The following AKNA variants were observed in gnomAD, a reference collection of about 807,000 sequenced individuals.
AKNA encodes AT-hook transcription factor, also known as microtubule organization protein AKNA.
Under a neutral mutation model 138.8 loss-of-function variants are expected in AKNA, and 67 were observed. The observed-to-expected ratio is 0.48, with a 90% CI of 0.40 to 0.59. The LOEUF (loss-of-function observed/expected upper bound fraction) is 0.59. Among genes scored for constraint, AKNA ranks in the 20% least tolerant of loss-of-function variants. AKNA has a pLI of 0.00. For missense variants in AKNA, 1,813 were observed against 1,880.4 expected, an observed-to-expected ratio of 0.96 and a Z score of 0.66; for synonymous variants, 737 against 754.4, an observed-to-expected ratio of 0.98 and a Z score of 0.38.
rs770692868 is a variant in AKNA, at chr9:114,347,771, G to T, written c.3351C>A (p.Arg1117=). Residue 1117 remains arginine, a synonymous_variant, in exon 16 of 22, where the codon CGC becomes CGA. Transcript: ENST00000374088. ...TGGCTGGGGAGTCTGCTGGCCGGCC[G>T]CGGGTCCGGGCGGGGCGGTCAAAGG... ...ASAFDRPART[R]GRPADSPATW... is the part of the protein sequence containing the mutation. The T allele has an allele frequency of 1.3e-6, 2 of 1,542,352 alleles. No homozygotes were observed. The highest frequency in any genetic ancestry group is 1.8e-6 in the Non-Finnish European group (2 of 1,142,842).
chr9:114,337,341 G>A, intron 21 of AKNA, 35 bp from the exon 22 acceptor site: 1 of 1,401,328 alleles, frequency 7.1e-7, no homozygotes, highest in Non-Finnish European at 9.4e-7. Context: ...GTTACACATG[G>A]GGAGGGCTGG....
chr9:114,363,827 T>C (rs1013792196), intron 7 of AKNA, among the ~76,000 whole-genome samples: 6 of 152,190 alleles, frequency 3.9e-5, no homozygotes, highest in African/African-American at 1.4e-4. Context: ...GGTCCCCTGA[T>C]GCTGCCCACA....
chr9:114,372,978 G>T (rs1039612779), intron 4 of AKNA, among the ~76,000 whole-genome samples: 5 of 127,140 alleles, frequency 3.9e-5, no homozygotes, highest in Non-Finnish European at 6.7e-5. Flanking sequence ...GGGGGGGGGG[G>T]TCCTGGTCCT....
intron 2 of AKNA, among the ~76,000 whole-genome samples, chr9:114,380,569 C>T (rs961191896): frequency 2.6e-5 from 4 of 152,084 alleles, no homozygotes; most frequent in South Asian, 2.1e-4. Flanking sequence ...TTATACTTTC[C>T]GGTTGTTCTG....
chr9:114,362,533 C>T lies in AKNA; in HGVS notation c.1789G>A (p.Gly597Ser), dbSNP rs760382900. ...GRLMPQDQVK[G>S]FQRLKAAHAA... ...TGGGCAGCCTTCAGCCGCTGGAAGCCCTGAAACCAGACCAGGCCAGGAAGA... is the reference window on the plus strand; with the variant it reads ...TGGGCAGCCTTCAGCCGCTGGAAGCTCTGAAACCAGACCAGGCCAGGAAGA... The change falls in exon 8 of 22, where the codon GGC (glycine) becomes AGC (serine). Residue 597 changes from glycine to serine, a missense_variant and splice_region_variant. Physicochemically the swap from Gly to Ser is moderately conservative, Grantham distance 56 (BLOSUM62 0). Transcript: ENST00000374088. 3.7e-6 allele frequency: 6 copies of T among 1,612,702 alleles called. No individual in the cohort carries two copies. Among genetic ancestry groups the T allele is most frequent in the Non-Finnish European group, 4.2e-6 (5 of 1,179,646 alleles).
downstream of AKNA, chr9:114,330,912 C>T (rs1451212535): frequency 6.6e-6 from 10 of 1,512,292 alleles, no homozygotes; most frequent in Admixed American, 8.4e-5. Flanking sequence ...ACAGGGCAGG[C>T]CAGCATAAGG....
chr9:114,340,122 T>A (rs977950885), intron 21 of AKNA, among the ~76,000 whole-genome samples: 4 of 152,098 alleles, frequency 2.6e-5, no homozygotes, highest in African/African-American at 7.2e-5. Flanking sequence ...ACATAAAAAA[T>A]TTTTAAAAGC....
In AKNA at chr9:114,342,879, AATGAATGC is replaced by A. The variant is rs200956901; in HGVS notation, c.3758-762_3758-755del. Reference sequence around the variant, plus strand: ...TAAGTGATGAATGAATGAATGAATGAATGAATGCATGCAGGCATGAACGGAGAGGCCTG... The same window carrying A: ...TAAGTGATGAATGAATGAATGAATGAATGCAGGCATGAACGGAGAGGCCTG... On this transcript the variant is annotated intron_variant, in intron 19 of 21. Transcript: ENST00000374088. Among the ~76,000 whole-genome samples the A allele has an allele frequency of 3.2e-4, 48 of 150,320 alleles. No individual in the cohort carries two copies. The East Asian group carries it at 8.7e-3, about 27-fold the overall frequency.
chr9:114,377,546 C>A lies in AKNA; in HGVS notation c.275-14G>T. On this transcript the variant is annotated splice_polypyrimidine_tract_variant and intron_variant, in intron 2 of 21. Transcript: ENST00000374088. ...CTGCTTCAGCCTCTGGAAAGACAGG[C>A]CATTCACTTCTTAGCATATACCAGC... The A allele has an allele frequency of 6.3e-7, 1 of 1,578,864 alleles. No homozygotes were observed. Among genetic ancestry groups the A allele is most frequent in the South Asian group, 1.2e-5 (1 of 85,434 alleles).
At chr9:114,331,003 A>C, downstream of AKNA, 1 of 660,840 alleles carries the variant, frequency 1.5e-6, no homozygotes, top group Non-Finnish European at 2.7e-6. Flanking sequence ...CCACGTGCTC[A>C]GAAAAAATCC....
intron 15 of AKNA, among the ~76,000 whole-genome samples, chr9:114,349,242 G>C (rs777659424): frequency 1.2e-4 from 19 of 152,158 alleles, no homozygotes; most frequent in Non-Finnish European, 2.6e-4. Flanking sequence ...CAGTCTCTCT[G>C]ATGTAACTCT....
At chr9:114,358,221 G>C (rs565616200) in intron 11 of AKNA, 54 bp from the exon 12 acceptor site, 1 of 1,607,228 alleles carries the variant, frequency 6.2e-7, no homozygotes, top group East Asian at 2.2e-5. Flanking sequence ...CCCTGACGCA[G>C]GGGTTGGCCT....
chr9:114,357,822 A>G, intron 12 of AKNA, 99 bp downstream of exon 12: 1 of 1,533,498 alleles, frequency 6.5e-7, no homozygotes, highest in South Asian at 1.2e-5. Flanking sequence ...CAAGTATTCC[A>G]AGAAGGAATA....
chr9:114,336,208 AT>A lies in AKNA; in HGVS notation c.*845del, dbSNP rs541816085. On this transcript the variant is annotated 3_prime_UTR_variant, in exon 22 of 22. Transcript: ENST00000374088. The stretch of plus-strand genomic sequence containing the variant: ...TCATTTGCCCTCGTAACGAAAATAG[AT>A]TTTTAAATGCCTCAAATATACAAAC... 12 of 152,782 alleles carry A rather than the reference AT, an allele frequency of 7.9e-5. No homozygotes were observed. In the South Asian group the frequency reaches 2.1e-3, roughly 26 times the overall value. 9.5% of individuals were successfully genotyped at this position (152,782 alleles called of 1,614,324 possible). A position where few individuals can be genotyped will look rare whatever the true frequency, so the allele number is the denominator to read the frequency against.
In AKNA at chr9:114,361,741, T is replaced by C; in HGVS notation, c.2087A>G (p.Gln696Arg). 1 of 1,613,494 alleles carries C rather than the reference T, an allele frequency of 6.2e-7. No homozygotes were observed. The highest frequency in any genetic ancestry group is 1.3e-5 in the African/African-American group (1 of 74,992). ...QPTHLPAPSG[Q>R]APMPAIKTSC... The stretch of plus-strand genomic sequence containing the variant: ...GGTCTTGATGGCTGGCATGGGGGCT[T>C]GTCCAGAAGGAGCAGGCAGGTGCGT... Residue 696 changes from glutamine to arginine, a missense_variant, in exon 9 of 22, where the codon CAA becomes CGA. By Grantham distance (43) the Gln-to-Arg change is conservative. Coordinates refer to ENST00000374088, the MANE Select transcript of AKNA (RefSeq NM_001317950.2).
At chr9:114,367,212 ATTCTGT>A (rs1379476018) in intron 6 of AKNA, among the ~76,000 whole-genome samples, 3 of 152,164 alleles carry the variant, frequency 2.0e-5, no homozygotes, top group Non-Finnish European at 4.4e-5. Context: ...TAGAGTGGAG[ATTCTGT>A]TACCCTTCCA....
chr9:114,358,300 C>T, intron 11 of AKNA, 133 bp from the exon 12 acceptor site: 3 of 1,255,600 alleles, frequency 2.4e-6, no homozygotes, highest in South Asian at 1.4e-5. Flanking sequence ...CAGCCTGGTT[C>T]TGCCACCTTC....
intron 17 of AKNA, 71 bp downstream of exon 17, chr9:114,346,598 G>T: frequency 8.1e-7 from 1 of 1,234,080 alleles, no homozygotes; most frequent in Non-Finnish European, 1.1e-6. Context: ...TGTTGCTGTG[G>T]TCCCTGACCA....
chr9:114,385,759 GCCCT>G (rs1833986680), intron 1 of AKNA, among the ~76,000 whole-genome samples: 2 of 152,176 alleles, frequency 1.3e-5, no homozygotes, highest in South Asian at 4.1e-4. Flanking sequence ...GCGAGCCATG[GCCCT>G]CCTCACCACA....
Sources: gnomAD v4.1 joint callset for allele counts (sites outside exome capture counted in the v4.1 genomes callset) on GRCh38, gnomAD v4.1.1 for gene constraint, MANE v1.5 for transcripts, NCBI Gene and HGNC (gene_info 2026-07-23, HGNC 2026-07-21) for gene names.